EEF1AKMT1: variants seen among roughly 807,000 people sequenced by gnomAD.
The protein encoded by EEF1AKMT1 is EEF1A lysine methyltransferase 1.
Under a neutral mutation model 21.0 loss-of-function variants are expected in EEF1AKMT1, and 18 were observed. That is an observed-to-expected ratio of 0.86 (90% CI 0.59 to 1.27). The LOEUF is 1.27. Among genes scored for constraint, EEF1AKMT1 ranks in the 50% most tolerant of loss-of-function variants. The probability of loss-of-function intolerance (pLI) is 0.00; values close to 1 mark genes in which losing one functional copy is unlikely to be tolerated. For missense variants in EEF1AKMT1, 246 were observed against 258.6 expected, an observed-to-expected ratio of 0.95 and a Z score of 0.33; for synonymous variants, 109 against 94.8, an observed-to-expected ratio of 1.15 and a Z score of -0.87.
chr13:20,764,529 G>A (rs1469855336), intron 1 of EEF1AKMT1, among the ~76,000 whole-genome samples: 16 of 152,076 alleles, frequency 1.1e-4, no homozygotes, highest in Non-Finnish European at 1.5e-5. Context: ...TTGGTTAATG[G>A]TGTTATTAAG....
At chr13:20,769,550 C>G (rs961060235) in intron 1 of EEF1AKMT1, among the ~76,000 whole-genome samples, 1 of 152,178 alleles carries the variant, frequency 6.6e-6, no homozygotes. Context: ...AGCCATTACA[C>G]ATTCCCAGGG....
At chr13:20,758,970 G>A (rs1157204328) in intron 1 of EEF1AKMT1, among the ~76,000 whole-genome samples, 3 of 152,196 alleles carry the variant, frequency 2.0e-5, no homozygotes, top group Non-Finnish European at 4.4e-5. Flanking sequence ...CTAGCCATTT[G>A]CAGAAGAGTA....
At chr13:20,740,341 C>T (rs1042338618) in intron 2 of EEF1AKMT1, among the ~76,000 whole-genome samples, 6 of 152,266 alleles carry the variant, frequency 3.9e-5, no homozygotes, top group African/African-American at 1.2e-4. Flanking sequence ...CGGAGGGAGC[C>T]GGCTTCGGCC....
At chr13:20,734,540 G>C (rs2058815357) in intron 3 of EEF1AKMT1, among the ~76,000 whole-genome samples, 1 of 152,120 alleles carries the variant, frequency 6.6e-6, no homozygotes, top group African/African-American at 2.4e-5. Context: ...CACACAGTAA[G>C]CACTCAATAA....
chr13:20,739,635 T>C (rs1478969394), intron 2 of EEF1AKMT1, among the ~76,000 whole-genome samples: 4 of 152,092 alleles, frequency 2.6e-5, no homozygotes, highest in Non-Finnish European at 5.9e-5. Context: ...CACTGATTGG[T>C]GCATTTACAA....
chr13:20,754,928 T>C (rs1425425808), intron 2 of EEF1AKMT1, among the ~76,000 whole-genome samples: 3 of 151,650 alleles, frequency 2.0e-5, no homozygotes, highest in Non-Finnish European at 4.4e-5. Context: ...TGGCCACTTA[T>C]GGTTTTCCTT....
intron 2 of EEF1AKMT1, among the ~76,000 whole-genome samples, chr13:20,739,281 A>G (rs965257195): frequency 6.6e-6 from 1 of 152,196 alleles, no homozygotes; most frequent in Non-Finnish European, 1.5e-5. Context: ...AACAGTGAGC[A>G]GCAGTAACAT....
chr13:20,757,402 A>G, intron 2 of EEF1AKMT1, 53 bp downstream of exon 2: 1 of 1,597,676 alleles, frequency 6.3e-7, no homozygotes, highest in Non-Finnish European at 8.6e-7. Flanking sequence ...ACTAATGCAC[A>G]GAGTAGGTTC....
chr13:20,734,021 A>G (rs1476938653), intron 3 of EEF1AKMT1, among the ~76,000 whole-genome samples: 1 of 152,198 alleles, frequency 6.6e-6, no homozygotes, highest in African/African-American at 2.4e-5. Flanking sequence ...TGCTGGCAGG[A>G]CACAACTCTC....
intron 2 of EEF1AKMT1, among the ~76,000 whole-genome samples, chr13:20,754,158 G>C (rs2058958378): frequency 6.6e-6 from 1 of 152,100 alleles, no homozygotes; most frequent in Non-Finnish European, 1.5e-5. Context: ...TGCAGGGCTG[G>C]TCTAGAGGTG....
chr13:20,738,434 A>T (rs771382114), intron 2 of EEF1AKMT1, among the ~76,000 whole-genome samples: 37 of 152,330 alleles, frequency 2.4e-4, no homozygotes, highest in Non-Finnish European at 3.1e-4. Flanking sequence ...TTAATGGAAG[A>T]AGTAGCATGG....
chr13:20,750,358 C>T (rs1320200993), intron 2 of EEF1AKMT1, among the ~76,000 whole-genome samples: 3 of 152,138 alleles, frequency 2.0e-5, no homozygotes, highest in Non-Finnish European at 4.4e-5. Context: ...CCCCACCCCA[C>T]CTTCCCAGCC....
At chr13:20,753,355 C>G (rs538623371) in intron 2 of EEF1AKMT1, among the ~76,000 whole-genome samples, 2 of 152,148 alleles carry the variant, frequency 1.3e-5, no homozygotes, top group South Asian at 4.1e-4. Flanking sequence ...CAAACATAAC[C>G]ACATGGAACT....
At chr13:20,753,761 A>G (rs1444000521) in intron 2 of EEF1AKMT1, among the ~76,000 whole-genome samples, 3 of 152,050 alleles carry the variant, frequency 2.0e-5, no homozygotes, top group Non-Finnish European at 2.9e-5. Context: ...TTCCTTGTGC[A>G]TGGAATATCT....
At chr13:20,738,952 A>T (rs981763299) in intron 2 of EEF1AKMT1, among the ~76,000 whole-genome samples, 1 of 152,314 alleles carries the variant, frequency 6.6e-6, no homozygotes, top group African/African-American at 2.4e-5. Context: ...CACTGACTTC[A>T]AGAATGAAGC....
intron 3 of EEF1AKMT1, among the ~76,000 whole-genome samples, chr13:20,734,366 T>G (rs1046926912): frequency 3.9e-5 from 6 of 152,050 alleles, no homozygotes; most frequent in Non-Finnish European, 7.4e-5. Flanking sequence ...GAACCTGTGT[T>G]GAAAGCCTAG....
chr13:20,734,884 A>G (rs1419451296), intron 3 of EEF1AKMT1, among the ~76,000 whole-genome samples: 2 of 152,216 alleles, frequency 1.3e-5, no homozygotes, highest in African/African-American at 2.4e-5. Context: ...TATAATCAAA[A>G]AAAGAAAAAG....
At chr13:20,755,880 A>T (rs2058969073) in intron 2 of EEF1AKMT1, among the ~76,000 whole-genome samples, 3 of 152,220 alleles carry the variant, frequency 2.0e-5, no homozygotes, top group Admixed American at 1.3e-4. Flanking sequence ...ATAGTATTTT[A>T]AAAATTAAGC....
intron 2 of EEF1AKMT1, among the ~76,000 whole-genome samples, chr13:20,754,666 TG>T (rs2058961319): frequency 6.7e-6 from 1 of 149,746 alleles, no homozygotes; most frequent in African/African-American, 2.5e-5. Context: ...CCCAGTACTT[TG>T]GGAGGCCAAG....
Sources: allele counts gnomAD v4.1 joint callset (sites outside exome capture counted in the v4.1 genomes callset), GRCh38; gene constraint gnomAD v4.1.1; transcripts MANE v1.5; gene names NCBI Gene and HGNC (gene_info 2026-07-23, HGNC 2026-07-21).